The following CIRSR variants were observed in gnomAD, a reference collection of about 807,000 sequenced individuals.
CIRSR encodes CBF1 (RBPJ) interacting corepressor 1.
At chr2:174,354,533 T>C in the CIRSR span, among the ~76,000 whole-genome samples, 4 of 62,342 alleles carry the variant, frequency 6.4e-5, no homozygotes, top group Admixed American at 3.2e-4. Flanking sequence ...TTTTATATAT[T>C]ATATAATATA....
chr2:174,351,657 C>G, the CIRSR span: 1 of 1,613,926 alleles, frequency 6.2e-7, no homozygotes, highest in South Asian at 1.1e-5. Context: ...CTCCCCAGTA[C>G]ATTTCGTTTC....
chr2:174,356,675 C>T, the CIRSR span, among the ~76,000 whole-genome samples: 53 of 152,244 alleles, frequency 3.5e-4, no homozygotes, highest in African/African-American at 1.2e-3. Flanking sequence ...GTCTCTCCTT[C>T]TCCCAAATTT....
At chr2:174,383,318 T>C in the CIRSR span, among the ~76,000 whole-genome samples, 121 of 152,288 alleles carry the variant, frequency 7.9e-4, 1 homozygote, top group African/African-American at 2.9e-3. Context: ...ATAATGCAAA[T>C]GTTCTGAAAT....
At chr2:174,353,089 G>C in the CIRSR span, among the ~76,000 whole-genome samples, 1 of 152,142 alleles carries the variant, frequency 6.6e-6, no homozygotes, top group Admixed American at 6.6e-5. Flanking sequence ...GGACTTTCCA[G>C]GCTTTACCAT....
chr2:174,353,429 C>G, the CIRSR span, among the ~76,000 whole-genome samples: 259 of 152,150 alleles, frequency 1.7e-3, 1 homozygote, highest in South Asian at 3.1e-3. Flanking sequence ...ATACTGGTTG[C>G]CTCTAAATGG....
the CIRSR span, chr2:174,380,560 T>C: frequency 8.3e-7 from 1 of 1,203,530 alleles, no homozygotes; most frequent in Non-Finnish European, 1.2e-6. Context: ...AGTTGCCTCC[T>C]CTAATGATTG....
At chr2:174,381,993 T>C in the CIRSR span, among the ~76,000 whole-genome samples, 3 of 152,192 alleles carry the variant, frequency 2.0e-5, no homozygotes, top group Non-Finnish European at 4.4e-5. Flanking sequence ...TGAGACTTTC[T>C]TACTACCTGA....
chr2:174,378,365 A>C, the CIRSR span, among the ~76,000 whole-genome samples: 2 of 152,260 alleles, frequency 1.3e-5, no homozygotes, highest in Admixed American at 6.5e-5. Context: ...ATACTAACAA[A>C]GCACTAATAA....
At chr2:174,373,866 G>A in the CIRSR span, among the ~76,000 whole-genome samples, 1 of 142,170 alleles carries the variant, frequency 7.0e-6, no homozygotes, top group African/African-American at 2.6e-5. Flanking sequence ...TTTCTCACAA[G>A]CAAAACACAC....
chr2:174,367,000 TGCTCAATTAACACCAG>T, the CIRSR span, among the ~76,000 whole-genome samples: 1 of 152,074 alleles, frequency 6.6e-6, no homozygotes, highest in African/African-American at 2.4e-5. Context: ...TCCTATCAAA[TGCTCAATTAACACCAG>T]AGAAAACAGA....
At chr2:174,393,813 A>G in the CIRSR span, among the ~76,000 whole-genome samples, 1 of 152,152 alleles carries the variant, frequency 6.6e-6, no homozygotes, top group Non-Finnish European at 1.5e-5. Flanking sequence ...TACACTATAA[A>G]CATATCCATC....
chr2:174,354,425 TTA>T, the CIRSR span, among the ~76,000 whole-genome samples: 18 of 61,788 alleles, frequency 2.9e-4, no homozygotes, highest in African/African-American at 9.1e-4. Flanking sequence ...ATAATATATA[TTA>T]TATGATATAT....
At chr2:174,379,428 A>C in the CIRSR span, among the ~76,000 whole-genome samples, 1 of 152,314 alleles carries the variant, frequency 6.6e-6, no homozygotes, top group African/African-American at 2.4e-5. Flanking sequence ...AAAGGTCCAA[A>C]TGTAGTCAAT....
chr2:174,383,851 A>T, the CIRSR span, among the ~76,000 whole-genome samples: 1 of 82,496 alleles, frequency 1.2e-5, no homozygotes, highest in South Asian at 5.8e-4. Flanking sequence ...CTATCTTCCA[A>T]AAAAAAAAAA....
At chr2:174,387,693 A>G in the CIRSR span, 1 of 1,582,930 alleles carries the variant, frequency 6.3e-7, no homozygotes, top group Non-Finnish European at 8.6e-7. Flanking sequence ...ACCTATTATC[A>G]TATGATTCTT....
At chr2:174,369,965 G>T in the CIRSR span, 2 of 1,363,866 alleles carry the variant, frequency 1.5e-6, no homozygotes, top group Non-Finnish European at 9.8e-7. Flanking sequence ...GGTGCTGATA[G>T]ATTTGCTCAG....
the CIRSR span, among the ~76,000 whole-genome samples, chr2:174,350,417 T>A: frequency 6.6e-6 from 1 of 152,202 alleles, no homozygotes; most frequent in African/African-American, 2.4e-5. Context: ...TAAGTCTAAT[T>A]CTAAATTAAA....
At chr2:174,356,697 T>C in the CIRSR span, among the ~76,000 whole-genome samples, 1 of 152,192 alleles carries the variant, frequency 6.6e-6, no homozygotes, top group Non-Finnish European at 1.5e-5. Flanking sequence ...ATATATTATG[T>C]ACTTAATTTA....
chr2:174,385,607 T>C, the CIRSR span, among the ~76,000 whole-genome samples: 1 of 151,944 alleles, frequency 6.6e-6, no homozygotes, highest in Non-Finnish European at 1.5e-5. Context: ...GACCACCTTG[T>C]GGGACCAGAA....
Sources: gnomAD v4.1 joint callset for allele counts (sites outside exome capture counted in the v4.1 genomes callset) on GRCh38, gnomAD v4.1.1 for gene constraint, MANE v1.5 for transcripts, NCBI Gene and HGNC (gene_info 2026-07-23, HGNC 2026-07-21) for gene names.